The following IMMT variants were observed in gnomAD, a reference collection of about 807,000 sequenced individuals.
IMMT encodes MICOS complex subunit MIC60.
A neutral mutation model predicts 92.7 loss-of-function variants in IMMT; 40 were observed. The observed-to-expected ratio is 0.43, with a 90% CI of 0.34 to 0.56. The LOEUF is 0.56. Among genes scored for constraint, IMMT ranks in the 20% least tolerant of loss-of-function variants. The pLI is 0.03. For missense variants in IMMT, 831 were observed against 912.1 expected (o/e 0.91, Z 1.14); for synonymous variants, 322 against 336.1 (o/e 0.96, Z 0.46).
chr2:86,188,210 G>A (rs1189864312), intron 1 of IMMT, among the ~76,000 whole-genome samples: 2 of 151,810 alleles, frequency 1.3e-5, no homozygotes, highest in Non-Finnish European at 2.9e-5. Flanking sequence ...CGGCTAATTT[G>A]TTATTTTCCA....
In IMMT at chr2:86,195,409, T is replaced by C. The variant is rs1458157758; in HGVS notation, c.-27A>G. 3.2e-6 allele frequency: 5 copies of C among 1,545,356 alleles called. No individual in the cohort carries two copies. Among genetic ancestry groups the C allele is most frequent in the East Asian group, 4.9e-5 (2 of 40,550 alleles). On this transcript the variant is annotated 5_prime_UTR_variant, in exon 1 of 15. Transcript: ENST00000410111. ...TCGGTCAAGCGGACGGCGCTGCTGG[T>C]GGACTCGAGCTGCCGCGGCGGCGCG... is the stretch of plus-strand genomic sequence containing the variant.
At chr2:86,148,432 C>T (rs1675200106) in intron 12 of IMMT, among the ~76,000 whole-genome samples, 2 of 151,940 alleles carry the variant, frequency 1.3e-5, no homozygotes, top group Admixed American at 6.6e-5. Flanking sequence ...AATGGTGAAA[C>T]CCCATCTCTA....
At position 86,195,426 on chromosome 2, in the gene IMMT, G is replaced by C. The variant is rs755732189; in HGVS notation, c.-44C>G. The stretch of plus-strand genomic sequence containing the variant: ...GCTGCTGGTGGACTCGAGCTGCCGC[G>C]GCGGCGCGAGTTAAGTGGAGGCGTG... On this transcript the variant is annotated 5_prime_UTR_variant, in exon 1 of 15. Transcript: ENST00000410111. 1.3e-6 allele frequency: 2 copies of C among 1,540,652 alleles called. No homozygotes were observed. The highest frequency in any genetic ancestry group is 1.2e-5 in the South Asian group (1 of 82,862).
chr2:86,159,000 A>G (rs1220262556), intron 9 of IMMT, among the ~76,000 whole-genome samples: 2 of 152,128 alleles, frequency 1.3e-5, no homozygotes, highest in Non-Finnish European at 2.9e-5. Context: ...TTCATAAGTG[A>G]CAATAATCAT....
rs954206457 is a variant in IMMT, at chr2:86,151,307, T to C, written c.1391A>G (p.Gln464Arg). The part of the protein sequence containing the change: ...EHHRSEIQAE[Q>R]DRKIEEVRDA... Reference sequence around the variant, plus strand: ...TCTCATTTCTCTTACCTTTCTGTCCTGTTCAGCCTGTATTTCACTTCTGTG... The same window carrying C: ...TCTCATTTCTCTTACCTTTCTGTCCCGTTCAGCCTGTATTTCACTTCTGTG... The change falls in exon 12 of 15, where the codon CAG (glutamine) becomes CGG (arginine). Residue 464 changes from glutamine to arginine, a missense_variant. By Grantham distance (43) the Gln-to-Arg change is conservative (BLOSUM62 1). Coordinates refer to ENST00000410111, the MANE Select transcript of IMMT (RefSeq NM_006839.3). The C allele has an allele frequency of 3.7e-6, 6 of 1,611,474 alleles. No homozygotes were observed. In the African/African-American group the frequency reaches 8.0e-5, roughly 22 times the overall value.
intron 1 of IMMT, among the ~76,000 whole-genome samples, chr2:86,190,818 T>C (rs1312947395): frequency 1.3e-5 from 2 of 152,138 alleles, no homozygotes; most frequent in African/African-American, 2.4e-5. Context: ...TGAAACCCTG[T>C]CTCTACTAAA....
At chr2:86,155,010 A>G (rs1675752896) in intron 10 of IMMT, among the ~76,000 whole-genome samples, 1 of 152,088 alleles carries the variant, frequency 6.6e-6, no homozygotes, top group Non-Finnish European at 1.5e-5. Flanking sequence ...CCACAGGCGC[A>G]TGCCACCATG....
chr2:86,192,744 G>C lies in IMMT; in HGVS notation c.45+2594C>G, dbSNP rs144551558. Among the ~76,000 whole-genome samples, 1,038 of 152,198 alleles carry C rather than the reference G, an allele frequency of 6.8e-3. 15 individuals carry two copies. Among genetic ancestry groups the C allele is most frequent in the African/African-American group, 0.023 (956 of 41,534 alleles). Reference sequence around the variant, plus strand: ...GTAGTCAGAATTCTATTTTGGATCAGGATGCCCTCTCTGAAGGGAAGGTGA... The same window carrying C: ...GTAGTCAGAATTCTATTTTGGATCACGATGCCCTCTCTGAAGGGAAGGTGA... On this transcript the variant is annotated intron_variant, in intron 1 of 14. Coordinates refer to ENST00000410111, the MANE Select transcript of IMMT (RefSeq NM_006839.3).
intron 7 of IMMT, among the ~76,000 whole-genome samples, chr2:86,164,516 C>G (rs1329204058): frequency 6.6e-6 from 1 of 151,654 alleles, no homozygotes; most frequent in African/African-American, 2.4e-5. Flanking sequence ...CATAGTGAAA[C>G]CCTCTCTGTA....
intron 13 of IMMT, 70 bp from the exon 14 acceptor site, chr2:86,146,267 C>T: frequency 7.4e-7 from 1 of 1,353,228 alleles, no homozygotes; most frequent in African/African-American, 1.4e-5. Flanking sequence ...GTGTAATCTT[C>T]CAGCAACTAC....
At chr2:86,163,873 C>T (rs185398858) in intron 7 of IMMT, among the ~76,000 whole-genome samples, 18 of 145,750 alleles carry the variant, frequency 1.2e-4, no homozygotes, top group African/African-American at 4.3e-4. Context: ...GTAGGAGAAT[C>T]GCTGGAACCT....
At chr2:86,157,942 A>AAAAAAT (rs909783832) in intron 10 of IMMT, among the ~76,000 whole-genome samples, 11 of 152,108 alleles carry the variant, frequency 7.2e-5, no homozygotes, top group African/African-American at 1.4e-4. Context: ...GCAACGACAA[A>AAAAAAT]AAAAATAAAA....
intron 6 of IMMT, among the ~76,000 whole-genome samples, chr2:86,170,315 A>C (rs1676994147): frequency 6.6e-6 from 1 of 152,268 alleles, no homozygotes; most frequent in African/African-American, 2.4e-5. Context: ...GCTACAGAGG[A>C]GGCTGAGGTG....
At chr2:86,152,259 G>A (rs1675511797) in intron 11 of IMMT, among the ~76,000 whole-genome samples, 1 of 151,994 alleles carries the variant, frequency 6.6e-6, no homozygotes, top group South Asian at 2.1e-4. Context: ...TGGCCAACCT[G>A]GTGAAACTCC....
intron 9 of IMMT, 73 bp downstream of exon 9, chr2:86,159,463 T>C: frequency 8.2e-7 from 1 of 1,216,256 alleles, no homozygotes; most frequent in South Asian, 1.3e-5. Flanking sequence ...ATTTGCTGTT[T>C]TCCTAAATCC....
chr2:86,152,032 A>G (rs1488249344), intron 11 of IMMT, among the ~76,000 whole-genome samples: 1 of 152,234 alleles, frequency 6.6e-6, no homozygotes, highest in Non-Finnish European at 1.5e-5. Context: ...TGTCCATCAG[A>G]ATCACTGCAA....
chr2:86,171,492 C>T (rs1006441592), intron 4 of IMMT, 147 bp from the exon 5 acceptor site: 1 of 710,326 alleles, frequency 1.4e-6, no homozygotes, highest in African/African-American at 1.8e-5. Flanking sequence ...GAATAACACA[C>T]AAACAGGGGC....
chr2:86,151,490 G>A lies in IMMT; in HGVS notation c.1208C>T (p.Ser403Phe), dbSNP rs1466938707. 1 of 1,613,960 alleles carries A rather than the reference G, an allele frequency of 6.2e-7. No homozygotes were observed. The highest frequency in any genetic ancestry group is 8.5e-7 in the Non-Finnish European group (1 of 1,179,830). ...ADKLSTDDLN[S>F]LIAHAHRRID... ...ACGACGATGTGCATGAGCAATGAGG[G>A]AGTTCAGATCATCAGTAGAGAGCTT... is the stretch of plus-strand genomic sequence containing the variant. The change falls in exon 12 of 15, where the codon TCC becomes TTC. Residue 403 changes from serine (S) to phenylalanine (F), a missense_variant. Coordinates refer to ENST00000410111, the MANE Select transcript of IMMT (RefSeq NM_006839.3).
chr2:86,181,866 C>T (rs2105444342), intron 1 of IMMT, among the ~76,000 whole-genome samples: 1 of 152,332 alleles, frequency 6.6e-6, no homozygotes, highest in Admixed American at 6.5e-5. Context: ...GCTAACTATG[C>T]AGCTGGTCAA....
Sources: gnomAD v4.1 joint callset for allele counts (sites outside exome capture counted in the v4.1 genomes callset) on GRCh38, gnomAD v4.1.1 for gene constraint, MANE v1.5 for transcripts, NCBI Gene and HGNC (gene_info 2026-07-23, HGNC 2026-07-21) for gene names.